PTPRT: variants seen among roughly 807,000 people sequenced by gnomAD.
PTPRT encodes the protein protein tyrosine phosphatase receptor type T, also known as receptor-type tyrosine-protein phosphatase T.
In PTPRT, 56 loss-of-function variants were observed where a neutral mutation model predicts 176.8. The observed-to-expected ratio is 0.32, with a 90% CI of 0.26 to 0.40. The LOEUF (loss-of-function observed/expected upper bound fraction) is 0.40, where lower values mean the gene tolerates loss of function less well. Among genes scored for constraint, PTPRT ranks in the 10% least tolerant of loss-of-function variants. PTPRT has a pLI of 1.00. For synonymous variants in PTPRT, 783 were observed against 739.0 expected (o/e 1.06, Z -0.96); for missense variants, 1,540 against 1,908.2 (o/e 0.81, Z 3.60).
chr20:42,577,054 T>C (rs1025678093), intron 7 of PTPRT, among the ~76,000 whole-genome samples: 1 of 151,928 alleles, frequency 6.6e-6, no homozygotes, highest in African/African-American at 2.4e-5. Flanking sequence ...AAAGTTCAGG[T>C]CAAGCAGTAT....
At chr20:42,618,533 AG>A (rs1456583041) in intron 7 of PTPRT, among the ~76,000 whole-genome samples, 1 of 133,466 alleles carries the variant, frequency 7.5e-6, no homozygotes. Context: ...TAATGTTGAC[AG>A]GGGGGTGTTA....
At chr20:42,808,557 T>A (rs2077648139) in intron 2 of PTPRT, among the ~76,000 whole-genome samples, 1 of 152,038 alleles carries the variant, frequency 6.6e-6, no homozygotes, top group South Asian at 2.1e-4. Context: ...ATAGTCAAGC[T>A]AAGGAGCTGA....
intron 1 of PTPRT, among the ~76,000 whole-genome samples, chr20:43,077,555 A>G (rs2146282108): frequency 6.6e-6 from 1 of 152,296 alleles, no homozygotes; most frequent in East Asian, 1.9e-4. Flanking sequence ...CCCTTATTGA[A>G]GCTAAGAGCT....
intron 13 of PTPRT, among the ~76,000 whole-genome samples, chr20:42,257,460 G>C (rs2056661881): frequency 6.6e-6 from 1 of 152,006 alleles, no homozygotes; most frequent in Middle Eastern, 3.2e-3. Flanking sequence ...CTATGGTTTG[G>C]ATCTGTGTCT....
chr20:42,313,356 T>A (rs959419578), intron 12 of PTPRT, among the ~76,000 whole-genome samples: 8 of 152,174 alleles, frequency 5.3e-5, no homozygotes, highest in African/African-American at 1.9e-4. Flanking sequence ...CACTTCACTA[T>A]ACGGACTTAC....
At chr20:42,350,239 T>TTTTTTTC (rs1555830477) in intron 11 of PTPRT, among the ~76,000 whole-genome samples, 1 of 138,480 alleles carries the variant, frequency 7.2e-6, no homozygotes, top group Non-Finnish European at 1.5e-5. Context: ...TTTTTTTTTT[T>TTTTTTTC]TTTTTTTGAG....
rs2077086821 is a variant in PTPRT at position 42,773,108 on chromosome 20, A to G, written c.569-1558T>C. Among the ~76,000 whole-genome samples the G allele has an allele frequency of 3.9e-5, 6 of 152,236 alleles. 1 individual carries two copies. The highest frequency in any genetic ancestry group is 3.9e-4 in the Admixed American group (6 of 15,284). ...TCCAGATAGACTCCAGGGTCTGCAG[A>G]AGGGGCTCCCAGTCAGGGCTGTGCT... On this transcript the variant is annotated intron_variant, in intron 4 of 30. Transcript: ENST00000373187.
intron 7 of PTPRT, among the ~76,000 whole-genome samples, chr20:42,490,425 G>A (rs561498773): frequency 1.3e-5 from 2 of 151,972 alleles, no homozygotes; most frequent in Admixed American, 1.3e-4. Context: ...TCTCCATTGA[G>A]ATTTTATATA....
intron 1 of PTPRT, among the ~76,000 whole-genome samples, chr20:43,026,112 ATTGTT>A (rs929107104): frequency 3.2e-4 from 49 of 151,718 alleles, no homozygotes; most frequent in African/African-American, 9.9e-4. Flanking sequence ...TAGAGACATT[ATTGTT>A]TTGTTTTGTT....
At chr20:42,816,328 C>A (rs1249401731) in intron 2 of PTPRT, among the ~76,000 whole-genome samples, 2 of 152,158 alleles carry the variant, frequency 1.3e-5, no homozygotes, top group African/African-American at 4.8e-5. Flanking sequence ...TCGAGTCCAG[C>A]AGAAAAGGAA....
rs563165073 is a variant in PTPRT, at chr20:43,077,894, C to A, written c.88+111752G>T. Among the ~76,000 whole-genome samples, 5 of 152,284 alleles carry A rather than the reference C, an allele frequency of 3.3e-5. No individual in the cohort carries two copies. The South Asian group carries it at 1.0e-3, about 32-fold the overall frequency. On this transcript the variant is annotated intron_variant, in intron 1 of 30. Coordinates refer to ENST00000373187, the MANE Select transcript of PTPRT (RefSeq NM_007050.6). ...CTTTTTCTAGACCAACCCTAACTGTCCACAACCCTCACTATTTGTCCTAAT... is the reference window on the plus strand; with the variant it reads ...CTTTTTCTAGACCAACCCTAACTGTACACAACCCTCACTATTTGTCCTAAT...
rs777227473 is a variant in PTPRT, at chr20:42,315,770, G to C, written c.2092C>G (p.Leu698Val). The C allele has an allele frequency of 1.2e-6, 2 of 1,614,112 alleles. No individual in the cohort carries two copies. The highest frequency in any genetic ancestry group is 1.1e-5 in the South Asian group (1 of 91,062). ...NGYWNPPLSP[L>V]KSYSIYFQAL... Reference sequence around the variant, plus strand: ...TGGAAGTAGATGCTGTAGCTTTTCAGGGGAGAGAGAGGAGGGTTCCAGTAG... The same window carrying C: ...TGGAAGTAGATGCTGTAGCTTTTCACGGGAGAGAGAGGAGGGTTCCAGTAG... Residue 698 changes from leucine (L) to valine (V), a missense_variant, in exon 12 of 31, where the codon CTG becomes GTG. This residue lies in a region of PTPRT where 255 missense variants were observed against 250.1 expected (regional missense o/e 1.02). Coordinates refer to ENST00000373187, the MANE Select transcript of PTPRT (RefSeq NM_007050.6).
At chr20:42,651,689 C>T (rs2075033486) in intron 7 of PTPRT, among the ~76,000 whole-genome samples, 1 of 152,136 alleles carries the variant, frequency 6.6e-6, no homozygotes. Flanking sequence ...GGGTGTGCCA[C>T]TCATTAGCTC....
intron 16 of PTPRT, among the ~76,000 whole-genome samples, chr20:42,167,446 T>C (rs1481713271): frequency 6.6e-6 from 1 of 152,214 alleles, no homozygotes; most frequent in African/African-American, 2.4e-5. Context: ...GATCAAGTCA[T>C]TTTTCTTAGC....
chr20:42,865,616 G>A (rs1344793059), intron 2 of PTPRT, among the ~76,000 whole-genome samples: 1 of 152,142 alleles, frequency 6.6e-6, no homozygotes, highest in Non-Finnish European at 1.5e-5. Context: ...GCCTGACCTG[G>A]GACAGGGGCT....
At chr20:42,445,201 T>C (rs1384467061) in intron 9 of PTPRT, among the ~76,000 whole-genome samples, 1 of 152,216 alleles carries the variant, frequency 6.6e-6, no homozygotes, top group Non-Finnish European at 1.5e-5. Context: ...CTGGGTAATA[T>C]GAACTTGGTC....
intron 7 of PTPRT, among the ~76,000 whole-genome samples, chr20:42,640,704 T>C (rs2074725710): frequency 6.6e-6 from 1 of 152,056 alleles, no homozygotes; most frequent in South Asian, 2.1e-4. Context: ...GTATTGAAAA[T>C]AAGCATTGGG....
chr20:43,066,536 A>G (rs1318213722), intron 1 of PTPRT, among the ~76,000 whole-genome samples: 1 of 152,200 alleles, frequency 6.6e-6, no homozygotes. Context: ...CCTCATCTGA[A>G]GAAGTACGAG....
chr20:42,494,369 T>C (rs2071613354), intron 7 of PTPRT, among the ~76,000 whole-genome samples: 1 of 152,056 alleles, frequency 6.6e-6, no homozygotes. Context: ...AATAATGAAG[T>C]AGAGGCTATG....
Sources: allele counts gnomAD v4.1 joint callset (sites outside exome capture counted in the v4.1 genomes callset), GRCh38; gene constraint gnomAD v4.1.1; regional missense constraint gnomAD v4.1.1; transcripts MANE v1.5; gene names NCBI Gene and HGNC (gene_info 2026-07-23, HGNC 2026-07-21).